The following KCNMA1 variants were observed in gnomAD, a reference collection of about 807,000 sequenced individuals.
The protein encoded by KCNMA1 is Calcium-activated potassium channel subunit alpha-1.
A neutral mutation model predicts 140.0 loss-of-function variants in KCNMA1; 29 were observed. The ratio of observed to expected loss-of-function variants is 0.21; its 90% CI spans 0.15 to 0.28. The LOEUF (loss-of-function observed/expected upper bound fraction) is 0.28. KCNMA1 is among the 10% of genes least tolerant of loss of function. The pLI is 1.00. For synonymous variants in KCNMA1, 612 were observed against 611.9 expected (o/e 1.00, Z 0.00); for missense variants, 880 against 1,602.2 (o/e 0.55, Z 7.70).
chr10:77,328,517 A>G (rs1023418256), intron 2 of KCNMA1, among the ~76,000 whole-genome samples: 3 of 152,244 alleles, frequency 2.0e-5, no homozygotes, highest in African/African-American at 7.2e-5. Flanking sequence ...CTCAAAGAAG[A>G]TAACCTGAGC....
chr10:76,892,152 C>T (rs1164281173), intron 25 of KCNMA1, among the ~76,000 whole-genome samples: 2 of 152,166 alleles, frequency 1.3e-5, no homozygotes, highest in East Asian at 3.9e-4. Flanking sequence ...TGCCAGGAAG[C>T]TTCCTCCCCA....
At chr10:77,266,922 C>T (rs2063609489) in intron 2 of KCNMA1, among the ~76,000 whole-genome samples, 1 of 152,162 alleles carries the variant, frequency 6.6e-6, no homozygotes, top group Non-Finnish European at 1.5e-5. Flanking sequence ...CAGCAGAGGA[C>T]CAAAGAGCCA....
intron 1 of KCNMA1, chr10:77,636,940 AC>A: frequency 7.1e-7 from 1 of 1,406,972 alleles, no homozygotes; most frequent in Non-Finnish European, 9.2e-7. Context: ...GGCTGTCCCC[AC>A]CCCGCACCAC....
intron 16 of KCNMA1, chr10:77,025,531 G>A: frequency 8.1e-7 from 1 of 1,227,768 alleles, no homozygotes; most frequent in African/African-American, 1.5e-5. Context: ...AAGGAAAGAA[G>A]GAATAAAACC....
At chr10:77,014,926 T>A (rs141810490) in intron 17 of KCNMA1, among the ~76,000 whole-genome samples, 1 of 152,212 alleles carries the variant, frequency 6.6e-6, no homozygotes, top group Non-Finnish European at 1.5e-5. Context: ...GCAACGGAGT[T>A]TCGCTGGGAA....
intron 1 of KCNMA1, among the ~76,000 whole-genome samples, chr10:77,489,217 C>T (rs1468018317): frequency 1.3e-5 from 2 of 152,138 alleles, no homozygotes; most frequent in Non-Finnish European, 2.9e-5. Context: ...AAGTATGTCT[C>T]AAATATTGCA....
chr10:77,275,643 C>T (rs1010532495), intron 2 of KCNMA1, among the ~76,000 whole-genome samples: 9 of 152,218 alleles, frequency 5.9e-5, no homozygotes, highest in African/African-American at 1.9e-4. Context: ...GGCCTAACCA[C>T]TCACAGGCAA....
intron 2 of KCNMA1, among the ~76,000 whole-genome samples, chr10:77,376,881 T>G (rs1199250288): frequency 6.6e-6 from 1 of 152,104 alleles, no homozygotes; most frequent in Admixed American, 6.5e-5. Context: ...GAGGTTGTAG[T>G]GAGCCGAGAT....
downstream of KCNMA1, among the ~76,000 whole-genome samples, chr10:76,880,044 T>G (rs1463021348): frequency 6.6e-6 from 1 of 152,170 alleles, no homozygotes; most frequent in East Asian, 1.9e-4. Flanking sequence ...AGTGCTAGGT[T>G]GGACATGCCA....
rs755613599 is a variant in KCNMA1, at chr10:77,109,000, C to T, written c.1132-428G>A. Among the ~76,000 whole-genome samples, 88 of 151,138 alleles carry T rather than the reference C, an allele frequency of 5.8e-4. No individual in the cohort carries two copies. Among genetic ancestry groups the T allele is most frequent in the Admixed American group, 1.7e-3 (25 of 15,150 alleles). On this transcript the variant is annotated intron_variant, in intron 8 of 27. Transcript: ENST00000286628. This position sits in a 1 kb window ranked among gnomAD's most constrained non-coding sequence, Gnocchi z 4.6. ...ATTAAAATTCAGAGGAGAATCAATGCTTTTATGAGTGACAAAAGAAAATAA... is the reference window on the plus strand; with the variant it reads ...ATTAAAATTCAGAGGAGAATCAATGTTTTTATGAGTGACAAAAGAAAATAA...
chr10:77,534,339 G>A (rs1162415911), intron 1 of KCNMA1, among the ~76,000 whole-genome samples: 1 of 152,104 alleles, frequency 6.6e-6, no homozygotes, highest in Non-Finnish European at 1.5e-5. Context: ...TAACTGGGAG[G>A]CAGAAGGCAG....
chr10:76,959,373 C>T (rs1265305170), intron 20 of KCNMA1, among the ~76,000 whole-genome samples: 1 of 152,222 alleles, frequency 6.6e-6, no homozygotes, highest in African/African-American at 2.4e-5. Flanking sequence ...GCCCTGGCTC[C>T]AGAGCCAAAA....
intron 1 of KCNMA1, among the ~76,000 whole-genome samples, chr10:77,629,716 C>A (rs1234934191): frequency 6.6e-6 from 1 of 152,176 alleles, no homozygotes; most frequent in East Asian, 1.9e-4. Flanking sequence ...GGAGTCAGAA[C>A]TGGGTCTTAA....
At position 77,031,602 on chromosome 10, in the gene KCNMA1, C is replaced by T. The variant is rs949826033; in HGVS notation, c.1860-3711G>A. On this transcript the variant is annotated intron_variant, in intron 15 of 27. Coordinates refer to ENST00000286628, the MANE Select transcript of KCNMA1 (RefSeq NM_001161352.2). ...TCCCTCTGTGAGTGTTCAAATCACA[C>T]GTTTCTGTTAGATCCTGCCACAGAG... is the stretch of plus-strand genomic sequence containing the variant. Among the ~76,000 whole-genome samples, 8 of 152,366 alleles carry T rather than the reference C, an allele frequency of 5.3e-5. No individual in the cohort carries two copies. The South Asian group carries it at 8.3e-4, about 16-fold the overall frequency.
intron 2 of KCNMA1, among the ~76,000 whole-genome samples, chr10:77,290,571 G>T (rs759781094): frequency 6.6e-6 from 1 of 152,160 alleles, no homozygotes; most frequent in Non-Finnish European, 1.5e-5. Context: ...AATTATTCAC[G>T]TGCACAGACC....
intron 1 of KCNMA1, among the ~76,000 whole-genome samples, chr10:77,570,146 A>C (rs946830702): frequency 5.9e-5 from 9 of 151,806 alleles, no homozygotes; most frequent in African/African-American, 1.9e-4. Context: ...GTGGGACTGT[A>C]AACTAGTTCA....
At chr10:76,895,208 G>C (rs2041991920) in intron 25 of KCNMA1, among the ~76,000 whole-genome samples, 1 of 152,120 alleles carries the variant, frequency 6.6e-6, no homozygotes, top group East Asian at 1.9e-4. Flanking sequence ...CCTTAGAGTT[G>C]TGAGCCCTTA....
Position 77,172,131 on chromosome 10 carries a change from C to A in KCNMA1, c.808+11290G>T, listed in dbSNP as rs1053494233. 7.9e-5 allele frequency among the ~76,000 whole-genome samples: 12 copies of A among 152,118 alleles called. 1 individual carries two copies. The South Asian group carries it at 2.1e-3, about 26-fold the overall frequency. ...GCTAGCCAGGTCAATCCATTATGGCCCTGGTCTCATGGAAAAGAATCAAGG... is the reference window on the plus strand; with the variant it reads ...GCTAGCCAGGTCAATCCATTATGGCACTGGTCTCATGGAAAAGAATCAAGG... On this transcript the variant is annotated intron_variant, in intron 5 of 27. Coordinates refer to ENST00000286628, the MANE Select transcript of KCNMA1 (RefSeq NM_001161352.2).
In KCNMA1 at chr10:77,015,475, T is replaced by A. The variant is rs188461352; in HGVS notation, c.2016-3432A>T. 4.6e-5 allele frequency among the ~76,000 whole-genome samples: 7 copies of A among 152,156 alleles called. No individual in the cohort carries two copies. In the East Asian group the frequency reaches 5.8e-4, roughly 13 times the overall value. On this transcript the variant is annotated intron_variant, in intron 17 of 27. Coordinates refer to ENST00000286628, the MANE Select transcript of KCNMA1 (RefSeq NM_001161352.2). ...TTACAGTCTCTTCATAAAACTCTCC[T>A]CCTTTTTCCCATTTAAGTTTGTCAT...
Sources: allele counts gnomAD v4.1 joint callset (sites outside exome capture counted in the v4.1 genomes callset), GRCh38; gene constraint gnomAD v4.1.1; non-coding constraint Gnocchi (gnomAD v3.1); transcripts MANE v1.5; gene names NCBI Gene and HGNC (gene_info 2026-07-23, HGNC 2026-07-21).